Variants in KCTD1 observed in about 807,000 individuals in gnomAD.
KCTD1 encodes BTB/POZ domain-containing protein KCTD1.
A neutral mutation model predicts 66.0 loss-of-function variants in KCTD1; 24 were observed. The ratio of observed to expected loss-of-function variants is 0.36; its 90% confidence interval spans 0.26 to 0.51. The LOEUF (loss-of-function observed/expected upper bound fraction) is 0.51. Ranked by LOEUF, KCTD1 falls within the 20% of genes least tolerant of loss-of-function variation. The probability of loss-of-function intolerance (pLI) is 0.95; values close to 1 mark genes in which losing one functional copy is unlikely to be tolerated. For synonymous variants in KCTD1, 511 were observed against 517.2 expected (o/e 0.99, Z 0.16); for missense variants, 943 against 1,205.2 (o/e 0.78, Z 3.22).
Position 26,478,286 on chromosome 18 carries a change from T to C in KCTD1, c.1989-1627A>G, listed in dbSNP as rs1981451072. On this transcript the variant is annotated intron_variant, in intron 2 of 4. Transcript: ENST00000580059. ...TATCTTCATTTTAAAGATGAAGAAA[T>C]AGGCTCGAAAAGATGATTAACTTGC... Among the ~76,000 whole-genome samples the C allele has an allele frequency of 2.6e-5, 4 of 152,286 alleles. No individual in the cohort carries two copies. In the South Asian group the frequency reaches 8.3e-4, roughly 32 times the overall value.
chr18:26,558,073 G>T (rs148544049), intron 1 of KCTD1, among the ~76,000 whole-genome samples: 1 of 152,338 alleles, frequency 6.6e-6, no homozygotes, highest in African/African-American at 2.4e-5. Context: ...AGAACATTTG[G>T]CTGGGAGGCC....
intron 1 of KCTD1, chr18:26,543,001 G>A (rs1471534859): frequency 7.6e-6 from 1 of 132,386 alleles, no homozygotes; most frequent in Non-Finnish European, 1.7e-5. Context: ...TTTTGATCTA[G>A]TTTAAACAGA....
At chr18:26,621,126 C>A (rs959698002) in intron 1 of KCTD1, among the ~76,000 whole-genome samples, 1 of 152,254 alleles carries the variant, frequency 6.6e-6, no homozygotes, top group African/African-American at 2.4e-5. Flanking sequence ...AGCCACCGTG[C>A]ACGGCCGAAA....
intron 1 of KCTD1, among the ~76,000 whole-genome samples, chr18:26,557,996 C>T (rs1396116088): frequency 6.6e-6 from 1 of 152,238 alleles, no homozygotes; most frequent in Non-Finnish European, 1.5e-5. Context: ...TGTTTCATCT[C>T]CCTGATATGA....
At chr18:26,518,660 A>G (rs531678717) in intron 1 of KCTD1, among the ~76,000 whole-genome samples, 95 of 152,364 alleles carry the variant, frequency 6.2e-4, no homozygotes, top group Non-Finnish European at 8.4e-4. Context: ...ATGCCAGTCT[A>G]CACATGTTGC....
chr18:26,515,140 A>C (rs948032472), intron 1 of KCTD1, among the ~76,000 whole-genome samples: 2 of 152,252 alleles, frequency 1.3e-5, no homozygotes, highest in East Asian at 3.8e-4. Flanking sequence ...CTGACTGGGA[A>C]GAAAAGTTTC....
upstream of KCTD1, among the ~76,000 whole-genome samples, chr18:26,550,008 C>G (rs1985490370): frequency 6.6e-6 from 1 of 152,166 alleles, no homozygotes; most frequent in Non-Finnish European, 1.5e-5. This position sits in a 1 kb window ranked among gnomAD's most constrained non-coding sequence, Gnocchi z 5.4. Context: ...GCCCAGGCCA[C>G]TCTCGGAGCT....
intron 1 of KCTD1, among the ~76,000 whole-genome samples, chr18:26,637,385 T>C (rs1987746214): frequency 6.6e-6 from 1 of 152,200 alleles, no homozygotes; most frequent in African/African-American, 2.4e-5. Flanking sequence ...TTCTCTCAAA[T>C]GGCAAGAGGA....
chr18:26,573,215 C>T (rs1205145506), intron 1 of KCTD1, among the ~76,000 whole-genome samples: 2 of 151,974 alleles, frequency 1.3e-5, no homozygotes, highest in Non-Finnish European at 2.9e-5. Flanking sequence ...AAGTCAAATT[C>T]ATAGAAATAA....
chr18:26,636,973 C>G (rs1987736961), intron 1 of KCTD1, among the ~76,000 whole-genome samples: 1 of 152,224 alleles, frequency 6.6e-6, no homozygotes, highest in African/African-American at 2.4e-5. Context: ...CCCTGGAATT[C>G]CACAGCAGAG....
At chr18:26,607,837 G>C (rs1987051396) in intron 1 of KCTD1, among the ~76,000 whole-genome samples, 1 of 152,094 alleles carries the variant, frequency 6.6e-6, no homozygotes, top group Non-Finnish European at 1.5e-5. Flanking sequence ...GTGTGATCTT[G>C]GTTCACTGCA....
chr18:26,482,170 G>A lies in KCTD1; in HGVS notation c.1989-5511C>T, dbSNP rs562511345. On this transcript the variant is annotated intron_variant, in intron 2 of 4. Transcript: ENST00000580059. ...GCACAATGGTCAACTTCAAGCTTAC[G>A]GGGGACAATGGCTCTAATGCCAGTT... is the stretch of plus-strand genomic sequence containing the variant. Among the ~76,000 whole-genome samples, 464 of 152,298 alleles carry A rather than the reference G, an allele frequency of 3.0e-3. 6 individuals carry two copies. Among genetic ancestry groups the A allele is most frequent in the Middle Eastern group, 0.014 (4 of 294 alleles).
At chr18:26,556,937 C>A (rs1171912303) in intron 1 of KCTD1, among the ~76,000 whole-genome samples, 1 of 152,104 alleles carries the variant, frequency 6.6e-6, no homozygotes, top group Non-Finnish European at 1.5e-5. Flanking sequence ...GTACTACATA[C>A]AATATTTGAA....
chr18:26,625,520 G>C (rs946414370), intron 1 of KCTD1, among the ~76,000 whole-genome samples: 7 of 152,132 alleles, frequency 4.6e-5, no homozygotes, highest in Non-Finnish European at 1.0e-4. Flanking sequence ...TGTGGAGAAG[G>C]ACATGTTTGT....
At chr18:26,642,771 G>T (rs1357594066), upstream of KCTD1, among the ~76,000 whole-genome samples, 1 of 152,044 alleles carries the variant, frequency 6.6e-6, no homozygotes, top group African/African-American at 2.4e-5. Flanking sequence ...AACCTTTAGA[G>T]CATGTTCCAT....
upstream of KCTD1, among the ~76,000 whole-genome samples, chr18:26,642,347 G>A (rs889334433): frequency 6.6e-6 from 1 of 152,116 alleles, no homozygotes; most frequent in African/African-American, 2.4e-5. Flanking sequence ...CCCAGAAATC[G>A]GTGCCTCTCG....
In KCTD1 at chr18:26,595,179, G is replaced by A. The variant is rs74757161; in HGVS notation, c.-16+33968C>T. On this transcript the variant is annotated intron_variant, in intron 1 of 4. Coordinates refer to the KCTD1 transcript ENST00000317932. ...TTTAGGGCTTGATGAATGATTTCAG[G>A]CCTGGCACAAGGGGCTTCCTCACTA... Among the ~76,000 whole-genome samples the A allele has an allele frequency of 8.8e-4, 134 of 152,162 alleles. 1 individual carries two copies. Among genetic ancestry groups the A allele is most frequent in the African/African-American group, 3.0e-3 (125 of 41,488 alleles).
chr18:26,612,721 A>G (rs892503932), intron 1 of KCTD1, among the ~76,000 whole-genome samples: 3 of 152,230 alleles, frequency 2.0e-5, no homozygotes, highest in African/African-American at 7.2e-5. Context: ...AGTGTGTGGT[A>G]CTTTGTTACA....
intron 4 of KCTD1, chr18:26,457,732 CA>C (rs991019110): frequency 5.9e-5 from 9 of 152,202 alleles, no homozygotes; most frequent in Non-Finnish European, 1.2e-4. Flanking sequence ...GATCACACAA[CA>C]ACTTAGTGAG....
Sources: allele counts gnomAD v4.1 joint callset (sites outside exome capture counted in the v4.1 genomes callset), GRCh38; gene constraint gnomAD v4.1.1; non-coding constraint Gnocchi (gnomAD v3.1); transcripts MANE v1.5; gene names NCBI Gene and HGNC (gene_info 2026-07-23, HGNC 2026-07-21).